The following TRPM5 variants were observed in gnomAD, a reference collection of about 807,000 sequenced individuals.
TRPM5 encodes the protein MLSN1 and TRP-related.
Under a neutral mutation model 124.9 loss-of-function variants are expected in TRPM5, and 121 were observed. That is an observed-to-expected ratio of 0.97 (90% CI 0.84 to 1.13). The LOEUF is 1.13. TRPM5 is among the 50% of genes most tolerant of loss of function. The pLI is 0.00. For missense variants in TRPM5, 1,643 were observed against 1,589.1 expected (o/e 1.03, Z -0.58); for synonymous variants, 781 against 700.5 (o/e 1.11, Z -1.81).
At chr11:2,428,482 G>A in the TRPM5 span, among the ~76,000 whole-genome samples, 47 of 151,992 alleles carry the variant, frequency 3.1e-4, no homozygotes, top group Middle Eastern at 3.4e-3. This position sits in a 1 kb window ranked among gnomAD's most constrained non-coding sequence, Gnocchi z 4.0. Flanking sequence ...AGTGGTGGTG[G>A]TGGTGATGAT....
intron 7 of TRPM5, 132 bp from the exon 13 acceptor site, chr11:2,416,156 C>CCAGCAGG (rs1845671578): frequency 1.6e-6 from 1 of 621,476 alleles, no homozygotes; most frequent in African/African-American, 1.8e-5. Flanking sequence ...TGAGGGGGCA[C>CCAGCAGG]ATGCGCCACC....
At chr11:2,408,954 G>A (rs938099695) in intron 18 of TRPM5, among the ~76,000 whole-genome samples, 1 of 152,216 alleles carries the variant, frequency 6.6e-6, no homozygotes, top group African/African-American at 2.4e-5. Flanking sequence ...TGGCACACAC[G>A]GGCACATTCA....
exon 2 of TRPM5, chr11:2,422,161 A>G: frequency 1.2e-6 from 2 of 1,609,634 alleles, no homozygotes; most frequent in Non-Finnish European, 1.7e-6. Flanking sequence ...AGCCGCCTTC[A>G]CCAGCCCCTT....
At chr11:2,422,861 G>T in intron 1 of TRPM5, 59 bp downstream of exon 6, 1 of 1,451,446 alleles carries the variant, frequency 6.9e-7, no homozygotes, top group Non-Finnish European at 9.7e-7. Flanking sequence ...GAAGGAAATG[G>T]GGCCTCATGG....
intron 7 of TRPM5, 46 bp from the exon 13 acceptor site, chr11:2,416,070 C>T (rs1319314022): frequency 6.9e-7 from 1 of 1,444,938 alleles, no homozygotes; most frequent in Non-Finnish European, 9.6e-7. Flanking sequence ...AGCTGAGGGC[C>T]TCACAGAGCC....
At chr11:2,409,310 G>A (rs1014582221) in intron 18 of TRPM5, among the ~76,000 whole-genome samples, 7 of 152,146 alleles carry the variant, frequency 4.6e-5, no homozygotes, top group Admixed American at 6.5e-5. Context: ...CTCTGGAGGA[G>A]CGGGCCGGGG....
intron 18 of TRPM5, among the ~76,000 whole-genome samples, chr11:2,410,223 C>T (rs184679201): frequency 5.3e-5 from 8 of 152,330 alleles, no homozygotes; most frequent in East Asian, 1.9e-4. Context: ...AAATGAGCCG[C>T]GCTGGGAGAG....
chr11:2,442,374 G>GAT, the TRPM5 span, among the ~76,000 whole-genome samples: 1 of 109,914 alleles, frequency 9.1e-6, no homozygotes, highest in East Asian at 2.6e-4. This position sits in a 1 kb window ranked among gnomAD's most constrained non-coding sequence, Gnocchi z 5.9. Flanking sequence ...ATCATTCTTT[G>GAT]ATACACACAC....
the TRPM5 span, among the ~76,000 whole-genome samples, chr11:2,428,469 AGTAGTG>A: frequency 6.8e-6 from 1 of 148,046 alleles, no homozygotes; most frequent in Non-Finnish European, 1.5e-5. The surrounding 1 kb of genome is among the most constrained non-coding windows in gnomAD (Gnocchi z 4.0). Flanking sequence ...TGATGGTGGC[AGTAGTG>A]GTGGTGGTGG....
intron 8 of TRPM5, 125 bp downstream of exon 13, chr11:2,415,781 C>T: frequency 1.3e-6 from 1 of 751,180 alleles, no homozygotes; most frequent in Non-Finnish European, 2.2e-6. Flanking sequence ...TGGTCTTGCC[C>T]CGGACCTTGG....
chr11:2,444,314 C>T, the TRPM5 span, among the ~76,000 whole-genome samples: 3 of 151,882 alleles, frequency 2.0e-5, no homozygotes, highest in Non-Finnish European at 2.9e-5. Context: ...TCCCTTTCCT[C>T]CCCCCAACCC....
At chr11:2,425,149 G>C (rs1412691037), upstream of TRPM5, among the ~76,000 whole-genome samples, 1 of 152,132 alleles carries the variant, frequency 6.6e-6, no homozygotes, top group Admixed American at 6.5e-5. Flanking sequence ...GCTGGGACAA[G>C]GCTTGGCATT....
At chr11:2,435,828 T>C in the TRPM5 span, among the ~76,000 whole-genome samples, 1 of 152,174 alleles carries the variant, frequency 6.6e-6, no homozygotes, top group Non-Finnish European at 1.5e-5. This position sits in a 1 kb window ranked among gnomAD's most constrained non-coding sequence, Gnocchi z 4.1. Context: ...TGTTTTCTCC[T>C]CTCTCCAGTT....
In TRPM5 at chr11:2,412,983, G is replaced by A. The variant is rs765381912; in HGVS notation, c.2126C>T (p.Ala709Val). The change falls in exon 15 of 24, where the codon GCT becomes GTT. Residue 709 changes from alanine (A) to valine (V), a missense_variant. Transcript: ENST00000155858. ...AGCACGTGGGCCTCGGTCACCCTGA[G>A]CCCTCGGCGCCTCCACCAGCTCCTC... 9 of 1,606,042 alleles carry A rather than the reference G, an allele frequency of 5.6e-6. No individual in the cohort carries two copies. The highest frequency in any genetic ancestry group is 7.6e-6 in the Non-Finnish European group (9 of 1,177,444).
chr11:2,422,448 G>C, intron 1 of TRPM5, 127 bp from the exon 7 acceptor site: 1 of 646,928 alleles, frequency 1.5e-6, no homozygotes, highest in South Asian at 1.9e-5. Flanking sequence ...TGGGCACTGG[G>C]AGGTGCTGGG....
the TRPM5 span, among the ~76,000 whole-genome samples, chr11:2,444,248 G>A: frequency 2.0e-5 from 3 of 152,128 alleles, no homozygotes; most frequent in African/African-American, 7.2e-5. Flanking sequence ...TCGCGCGCCT[G>A]GGCACCCGGG....
the TRPM5 span, among the ~76,000 whole-genome samples, chr11:2,430,867 T>A: frequency 6.7e-6 from 1 of 149,278 alleles, no homozygotes; most frequent in Non-Finnish European, 1.5e-5. Context: ...GAGGTGGTGT[T>A]GGTGGTGGTG....
the TRPM5 span, among the ~76,000 whole-genome samples, chr11:2,436,915 C>T: frequency 6.6e-6 from 1 of 152,220 alleles, no homozygotes; most frequent in East Asian, 1.9e-4. Flanking sequence ...CGCTCGCCCA[C>T]CTGGGCACTG....
At chr11:2,412,936 G>T (rs148078191) in exon 15 of TRPM5, 2 of 1,602,054 alleles carry the variant, frequency 1.2e-6, no homozygotes, top group Admixed American at 1.7e-5. Context: ...CAGAATTTCC[G>T]CCAGCGTGTG....
Sources: allele counts gnomAD v4.1 joint callset (sites outside exome capture counted in the v4.1 genomes callset), GRCh38; gene constraint gnomAD v4.1.1; non-coding constraint Gnocchi (gnomAD v3.1); transcripts MANE v1.5; gene names NCBI Gene and HGNC (gene_info 2026-07-23, HGNC 2026-07-21).